Variants in SENP5 observed in about 807,000 individuals in gnomAD.
SENP5 encodes sentrin-specific protease 5.
Under a neutral mutation model 74.2 loss-of-function variants are expected in SENP5, and 21 were observed. The observed-to-expected ratio is 0.28, with a 90% CI of 0.20 to 0.41. The LOEUF is 0.41. SENP5 is among the 10% of genes least tolerant of loss of function. The pLI, the probability that SENP5 is intolerant of heterozygous loss-of-function variation, is 1.00. For missense variants in SENP5, 717 were observed against 889.1 expected, an observed-to-expected ratio of 0.81 and a Z score of 2.46; for synonymous variants, 311 against 312.7, an observed-to-expected ratio of 0.99 and a Z score of 0.06.
intron 1 of SENP5, among the ~76,000 whole-genome samples, chr3:196,871,181 C>CA (rs376170208): frequency 1.3e-5 from 2 of 151,634 alleles, no homozygotes; most frequent in South Asian, 2.1e-4. Flanking sequence ...GAAAAAAAAA[C>CA]AAAAAACAAG....
chr3:196,921,212 G>A lies in SENP5; in HGVS notation c.1885-2202G>A, dbSNP rs150030165. ...CTTATGTTTCATATTCACCTTAGAT[G>A]CATGCCCTAAAGGTAATTTACAATA... is the stretch of plus-strand genomic sequence containing the variant. On this transcript the variant is annotated intron_variant, in intron 6 of 9. Transcript: ENST00000323460. Among the ~76,000 whole-genome samples the A allele has an allele frequency of 2.4e-3, 371 of 152,296 alleles. 3 individuals are homozygous for A. Among genetic ancestry groups the A allele is most frequent in the African/African-American group, 8.3e-3 (343 of 41,556 alleles).
At chr3:196,887,974 C>T (rs977131074) in intron 2 of SENP5, among the ~76,000 whole-genome samples, 4 of 152,050 alleles carry the variant, frequency 2.6e-5, no homozygotes, top group Admixed American at 2.6e-4. Flanking sequence ...CACCATGTTG[C>T]CCAGGCTGGT....
intron 4 of SENP5, 64 bp downstream of exon 4, chr3:196,900,126 T>G (rs950338779): frequency 3.1e-5 from 48 of 1,555,850 alleles, no homozygotes; most frequent in Non-Finnish European, 3.8e-5. Flanking sequence ...TAAAATATAA[T>G]CTCTAGTTTG....
At chr3:196,884,650 GGTT>G (rs970797420) in intron 1 of SENP5, among the ~76,000 whole-genome samples, 1 of 151,496 alleles carries the variant, frequency 6.6e-6, no homozygotes, top group African/African-American at 2.4e-5. Context: ...ATCACACTGA[GGTT>G]ACAGAAATCA....
At chr3:196,898,576 T>C (rs1313819768) in intron 2 of SENP5, among the ~76,000 whole-genome samples, 1 of 151,866 alleles carries the variant, frequency 6.6e-6, no homozygotes, top group African/African-American at 2.4e-5. Flanking sequence ...GCTGGGATGA[T>C]AGAAAGAGAC....
At position 196,923,431 on chromosome 3, in the gene SENP5, G is replaced by A; in HGVS notation, c.1902G>A (p.Lys634=). ...RWTKKVDLFK[K]SLLLIPIHLE... is the part of the protein sequence containing the mutation. ...TTGATCAGGTGGATTTGTTTAAAAA[G>A]AGTCTTCTGTTGATTCCTATTCACC... The change falls in exon 7 of 10, where the codon AAG becomes AAA. Residue 634 remains lysine (K), a synonymous_variant. Transcript: ENST00000323460. The A allele has an allele frequency of 6.2e-7, 1 of 1,608,784 alleles. No individual in the cohort carries two copies. Among genetic ancestry groups the A allele is most frequent in the South Asian group, 1.1e-5 (1 of 89,784 alleles).
intron 2 of SENP5, among the ~76,000 whole-genome samples, chr3:196,895,021 G>A (rs757318113): frequency 6.6e-6 from 1 of 152,040 alleles, no homozygotes; most frequent in Non-Finnish European, 1.5e-5. Context: ...TGATGGGCCC[G>A]TTCTGAGGTA....
intron 1 of SENP5, among the ~76,000 whole-genome samples, chr3:196,871,226 A>AG (rs1370283795): frequency 3.9e-5 from 6 of 152,180 alleles, no homozygotes; most frequent in African/African-American, 1.4e-4. Flanking sequence ...ATACATTCAG[A>AG]GTCTAGAGAG....
At chr3:196,909,512 A>G (rs1715037255) in intron 6 of SENP5, among the ~76,000 whole-genome samples, 1 of 152,246 alleles carries the variant, frequency 6.6e-6, no homozygotes. Context: ...AAAATTCTCA[A>G]TAAAATGCTG....
intron 1 of SENP5, among the ~76,000 whole-genome samples, chr3:196,872,680 A>G (rs1378991930): frequency 6.6e-6 from 1 of 152,196 alleles, no homozygotes; most frequent in African/African-American, 2.4e-5. Context: ...TGTGGTAGCC[A>G]CTAGCCACAT....
intron 2 of SENP5, among the ~76,000 whole-genome samples, chr3:196,898,996 G>A (rs1354568804): frequency 2.0e-5 from 3 of 151,382 alleles, no homozygotes; most frequent in East Asian, 1.9e-4. Flanking sequence ...GGAGAATGGC[G>A]TGAACCCGGG....
intron 1 of SENP5, among the ~76,000 whole-genome samples, chr3:196,878,046 A>G (rs1441899128): frequency 1.3e-5 from 2 of 152,200 alleles, no homozygotes; most frequent in Non-Finnish European, 2.9e-5. Context: ...AACCCTCTAG[A>G]TAACAAAGAA....
At chr3:196,927,762 C>T in intron 7 of SENP5, 34 bp from the exon 8 acceptor site, 1 of 1,297,460 alleles carries the variant, frequency 7.7e-7, no homozygotes, top group Non-Finnish European at 1.1e-6. Context: ...ACTGATGGAA[C>T]ACAGCATCTG....
intron 6 of SENP5, among the ~76,000 whole-genome samples, chr3:196,913,647 CTTTTTTTT>C (rs1229412806): frequency 1.0e-5 from 1 of 98,090 alleles, no homozygotes; most frequent in African/African-American, 3.8e-5. Flanking sequence ...ATAAGAAAGG[CTTTTTTTT>C]TTTTTTTTTT....
At chr3:196,872,725 GT>G (rs1027395121) in intron 1 of SENP5, among the ~76,000 whole-genome samples, 2 of 152,164 alleles carry the variant, frequency 1.3e-5, no homozygotes, top group African/African-American at 4.8e-5. Context: ...AAAATTAAAG[GT>G]TTAGTTCCTC....
chr3:196,900,863 CA>C (rs1297867572), intron 5 of SENP5, among the ~76,000 whole-genome samples: 1 of 151,730 alleles, frequency 6.6e-6, no homozygotes, highest in African/African-American at 2.4e-5. Flanking sequence ...GCTGGGATTA[CA>C]GGTGTGAGCC....
At position 196,903,546 on chromosome 3, in the gene SENP5, A is replaced by G. The variant is rs1560151922; in HGVS notation, c.1820A>G (p.Asn607Ser). 6.2e-7 allele frequency: 1 copy of G among 1,609,868 alleles called. No homozygotes were observed. The highest frequency in any genetic ancestry group is 8.5e-7 in the Non-Finnish European group (1 of 1,178,062). ...TGTCTGTTCTAGGTTCACTTCTTCA[A>G]CAGCTTTTTTCATAGACAGCTGGTA... ...DAVPDKVHFF[N>S]SFFHRQLVTK... The change falls in exon 6 of 10, where the codon AAC becomes AGC. Residue 607 changes from asparagine to serine, a missense_variant. Asn to Ser is a conservative substitution (Grantham distance 46, BLOSUM62 1). This residue lies in a region of SENP5 where 85 missense variants were observed against 188.9 expected (regional missense o/e 0.45). Transcript: ENST00000323460.
At chr3:196,915,025 A>C (rs924580460) in intron 6 of SENP5, among the ~76,000 whole-genome samples, 2 of 152,314 alleles carry the variant, frequency 1.3e-5, no homozygotes, top group East Asian at 3.9e-4. Flanking sequence ...GCCAGCACCC[A>C]TGGAGGGAGC....
chr3:196,881,896 GT>G (rs11385462), intron 1 of SENP5, among the ~76,000 whole-genome samples: 135 of 109,176 alleles, frequency 1.2e-3, no homozygotes, highest in African/African-American at 3.8e-3. Context: ...GATAGTATTA[GT>G]TTTTTTTTTT....
Sources: gnomAD v4.1 joint callset for allele counts (sites outside exome capture counted in the v4.1 genomes callset) on GRCh38, gnomAD v4.1.1 for gene constraint, gnomAD v4.1.1 regional missense constraint, MANE v1.5 for transcripts, NCBI Gene and HGNC (gene_info 2026-07-23, HGNC 2026-07-21) for gene names.